KCNQ5: variants seen among roughly 807,000 people sequenced by gnomAD.
KCNQ5 encodes the protein potassium voltage-gated channel subfamily KQT member 5.
A neutral mutation model predicts 98.2 loss-of-function variants in KCNQ5; 30 were observed. The observed-to-expected ratio is 0.31, with a 90% confidence interval of 0.23 to 0.41. The LOEUF is 0.41. KCNQ5 is among the 10% of genes least tolerant of loss of function. The pLI is 1.00. For missense variants in KCNQ5, 835 were observed against 1,182.5 expected (o/e 0.71, Z 4.31); for synonymous variants, 458 against 449.4 (o/e 1.02, Z -0.24).
chr6:72,889,585 C>T (rs559415013), intron 1 of KCNQ5, among the ~76,000 whole-genome samples: 130 of 152,236 alleles, frequency 8.5e-4, no homozygotes, highest in African/African-American at 3.0e-3. Context: ...AAGCGCCATG[C>T]TAGAAACTAT....
chr6:73,001,474 C>A (rs1300354712), intron 1 of KCNQ5, among the ~76,000 whole-genome samples: 1 of 152,162 alleles, frequency 6.6e-6, no homozygotes, highest in Non-Finnish European at 1.5e-5. Flanking sequence ...AAGGAACTAG[C>A]AATAAGATGT....
chr6:72,635,157 G>A (rs112904854), intron 1 of KCNQ5, among the ~76,000 whole-genome samples: 9,963 of 151,380 alleles, frequency 0.066, 991 homozygotes, highest in African/African-American at 0.22. Flanking sequence ...CTCTTGAGTA[G>A]CTGAGACCAC....
chr6:72,789,239 C>T (rs1475834131), intron 1 of KCNQ5, among the ~76,000 whole-genome samples: 1 of 152,052 alleles, frequency 6.6e-6, no homozygotes, highest in Non-Finnish European at 1.5e-5. Context: ...CTCACTGCAA[C>T]CTCCGCCTCT....
rs1410184967 is a variant in KCNQ5, at chr6:72,931,050, T to C, written c.399-72858T>C. Among the ~76,000 whole-genome samples, 8 of 152,308 alleles carry C rather than the reference T, an allele frequency of 5.3e-5. No individual in the cohort carries two copies. In the East Asian group the frequency reaches 1.2e-3, roughly 22 times the overall value. ...ATGGTTTACTTTTATTACAGCAGAA[T>C]TGAGCTACAGTTTCATATAATTAGA... On this transcript the variant is annotated intron_variant, in intron 1 of 13. Coordinates refer to ENST00000370398, the MANE Select transcript of KCNQ5 (RefSeq NM_019842.4).
chr6:73,155,305 C>T (rs908835614), intron 10 of KCNQ5, among the ~76,000 whole-genome samples: 2 of 152,226 alleles, frequency 1.3e-5, no homozygotes, highest in African/African-American at 4.8e-5. Flanking sequence ...TTCTGATGTT[C>T]TCCACATTGT....
rs70994154 is a variant in KCNQ5, at chr6:72,997,782, C to CAAA, written c.399-6099_399-6097dup. On this transcript the variant is annotated intron_variant, in intron 1 of 13. Transcript: ENST00000370398. ...TGGGTGACAGAGCAAGACTCTGTCT[C>CAAA]AAAAAAAAAAAAAAAAAAAAAAAAA... 1.1e-3 allele frequency among the ~76,000 whole-genome samples: 70 copies of CAAA among 62,052 alleles called. 2 individuals carry two copies. Among genetic ancestry groups the CAAA allele is most frequent in the East Asian group, 7.7e-3 (12 of 1,556 alleles). 40.7% of individuals were successfully genotyped at this position (62,052 alleles called of 152,430 possible).
In KCNQ5 at chr6:72,622,179, G is replaced by T; in HGVS notation, c.-11G>T. On this transcript the variant is annotated 5_prime_UTR_variant, in exon 1 of 14. Transcript: ENST00000370398. The surrounding 1 kb of genome is among the most constrained non-coding windows in gnomAD (Gnocchi z 6.0). ...CGCTGGCGGCCCCCTCGCGGTGCCC[G>T]TGGTGATGCCATGCCCCGCCACCAC... is the stretch of plus-strand genomic sequence containing the variant. 1 of 1,220,864 alleles carries T rather than the reference G, an allele frequency of 8.2e-7. No individual in the cohort carries two copies. The highest frequency in any genetic ancestry group is 1.0e-6 in the Non-Finnish European group (1 of 981,042). The allele number at this position is 1,220,864 out of a possible 1,614,324, so 75.6% of individuals were successfully genotyped here.
chr6:72,715,792 C>T (rs531077446), intron 1 of KCNQ5, among the ~76,000 whole-genome samples: 227 of 151,984 alleles, frequency 1.5e-3, no homozygotes, highest in Admixed American at 1.5e-3. Flanking sequence ...AATGATATTC[C>T]GATACTAACT....
At chr6:72,786,580 T>A (rs1337090121) in intron 1 of KCNQ5, among the ~76,000 whole-genome samples, 1 of 152,186 alleles carries the variant, frequency 6.6e-6, no homozygotes, top group African/African-American at 2.4e-5. Flanking sequence ...TCTCAGTGAT[T>A]TCTCCATTAC....
chr6:72,696,255 T>G (rs1404853546), intron 1 of KCNQ5, among the ~76,000 whole-genome samples: 1 of 152,186 alleles, frequency 6.6e-6, no homozygotes, highest in Non-Finnish European at 1.5e-5. Context: ...CAGTGGAATA[T>G]TATACAGCAG....
At chr6:73,114,015 T>C (rs1775377165) in intron 7 of KCNQ5, among the ~76,000 whole-genome samples, 1 of 152,190 alleles carries the variant, frequency 6.6e-6, no homozygotes. Context: ...CTAATCATAG[T>C]TTCATTAATC....
intron 6 of KCNQ5, among the ~76,000 whole-genome samples, chr6:73,110,947 A>T (rs942625264): frequency 6.6e-6 from 1 of 152,190 alleles, no homozygotes; most frequent in Non-Finnish European, 1.5e-5. Flanking sequence ...AGACCATTCA[A>T]TCTAACTTAG....
intron 2 of KCNQ5, among the ~76,000 whole-genome samples, chr6:73,021,606 A>C (rs566415569): frequency 6.6e-6 from 1 of 152,278 alleles, no homozygotes; most frequent in South Asian, 2.1e-4. Context: ...CAGTGCCTGG[A>C]GCAAAAGAGA....
At chr6:73,108,604 A>C (rs1466986722) in intron 6 of KCNQ5, among the ~76,000 whole-genome samples, 2 of 152,212 alleles carry the variant, frequency 1.3e-5, no homozygotes, top group Non-Finnish European at 2.9e-5. Context: ...AGGCGGTCGG[A>C]TCACAAGGTG....
intron 3 of KCNQ5, chr6:73,055,837 C>G (rs1053311147): frequency 1.7e-5 from 12 of 719,808 alleles, no homozygotes; most frequent in Non-Finnish European, 1.5e-5. Context: ...TGTGGCTGCC[C>G]AGGGCAAAGC....
chr6:72,855,449 C>A (rs1434764111), intron 1 of KCNQ5, among the ~76,000 whole-genome samples: 1 of 152,102 alleles, frequency 6.6e-6, no homozygotes. Flanking sequence ...TGCATACATA[C>A]ATGCACAAAA....
chr6:73,181,657 C>T (rs1276766848), intron 11 of KCNQ5, among the ~76,000 whole-genome samples: 1 of 152,202 alleles, frequency 6.6e-6, no homozygotes, highest in Admixed American at 6.5e-5. Context: ...TGAGTAAAAA[C>T]AATCATATCA....
At chr6:72,986,987 G>A in intron 1 of KCNQ5, 1 of 806,252 alleles carries the variant, frequency 1.2e-6, no homozygotes, top group Non-Finnish European at 2.1e-6. Flanking sequence ...GGAAGGTGAA[G>A]AAGAAGAAAA....
intron 5 of KCNQ5, among the ~76,000 whole-genome samples, chr6:73,091,846 G>T (rs1774266175): frequency 6.6e-6 from 1 of 151,948 alleles, no homozygotes; most frequent in Non-Finnish European, 1.5e-5. Flanking sequence ...TTTTATCATT[G>T]TTTTTTCTAA....
Sources: allele counts gnomAD v4.1 joint callset (sites outside exome capture counted in the v4.1 genomes callset), GRCh38; gene constraint gnomAD v4.1.1; non-coding constraint Gnocchi (gnomAD v3.1); transcripts MANE v1.5; gene names NCBI Gene and HGNC (gene_info 2026-07-23, HGNC 2026-07-21).